Variants in DOK5 observed in about 807,000 individuals in gnomAD.
DOK5 encodes downstream of tyrosine kinase 5.
A neutral mutation model predicts 43.3 loss-of-function variants in DOK5; 27 were observed. That is an observed-to-expected ratio of 0.62 (90% CI 0.46 to 0.86). DOK5 has a LOEUF of 0.86. Ranked by LOEUF, DOK5 falls within the 40% of genes least tolerant of loss-of-function variation. The pLI is 0.00. For missense variants in DOK5, 373 were observed against 392.9 expected (o/e 0.95, Z 0.43); for synonymous variants, 146 against 140.1 (o/e 1.04, Z -0.30).
At chr20:54,642,765 AAAAGAATGAAATGGCTAATACAAT>A (rs1979185890) in intron 6 of DOK5, among the ~76,000 whole-genome samples, 1 of 152,226 alleles carries the variant, frequency 6.6e-6, no homozygotes, top group Non-Finnish European at 1.5e-5. Context: ...CCCCAAACTG[AAAAGAATGAAATGGCTAATACAAT>A]TGAAAAGTCT....
intron 1 of DOK5, among the ~76,000 whole-genome samples, chr20:54,479,974 C>T (rs1327210869): frequency 2.0e-5 from 3 of 152,002 alleles, no homozygotes; most frequent in Non-Finnish European, 2.9e-5. Context: ...TGTCACCTCA[C>T]GCTATCCACT....
At chr20:54,523,145 T>A (rs936745853) in intron 1 of DOK5, among the ~76,000 whole-genome samples, 3 of 152,358 alleles carry the variant, frequency 2.0e-5, no homozygotes, top group African/African-American at 7.2e-5. Context: ...CACATTTGAT[T>A]CCTGGCCATT....
intron 1 of DOK5, among the ~76,000 whole-genome samples, chr20:54,540,814 G>A (rs571783324): frequency 5.3e-5 from 8 of 152,190 alleles, no homozygotes; most frequent in East Asian, 1.9e-4. Context: ...GTGAGCCACC[G>A]TGCCTGGCCC....
At chr20:54,615,665 A>G (rs371972638) in intron 6 of DOK5, among the ~76,000 whole-genome samples, 11 of 152,296 alleles carry the variant, frequency 7.2e-5, no homozygotes, top group African/African-American at 2.6e-4. Flanking sequence ...TAATCCCAAC[A>G]CTTTGGGAGG....
intron 1 of DOK5, among the ~76,000 whole-genome samples, chr20:54,480,304 G>A (rs1981618185): frequency 6.6e-6 from 1 of 152,174 alleles, no homozygotes; most frequent in Admixed American, 6.5e-5. Context: ...TAAAGACCTT[G>A]CTGATAAAAC....
chr20:54,639,933 T>G lies in DOK5; in HGVS notation c.736-3525T>G, dbSNP rs150595707. 2.8e-3 allele frequency among the ~76,000 whole-genome samples: 421 copies of G among 152,358 alleles called. 5 individuals are homozygous for G. The highest frequency in any genetic ancestry group is 0.023 in the East Asian group (117 of 5,182). ...GATTAATCAAAACAAGACGATTATT[T>G]ACCCAGTGGTTCCAGTTCAGGGTCA... is the stretch of plus-strand genomic sequence containing the variant. On this transcript the variant is annotated intron_variant, in intron 6 of 7. Coordinates refer to ENST00000262593, the MANE Select transcript of DOK5 (RefSeq NM_018431.5).
In DOK5 at chr20:54,475,771, T is replaced by A. The variant is rs2146649245; in HGVS notation, c.-176T>A. The A allele has an allele frequency of 1.3e-6, 1 of 767,784 alleles. No individual in the cohort carries two copies. The highest frequency in any genetic ancestry group is 2.1e-6 in the Non-Finnish European group (1 of 478,432). 47.6% of individuals were successfully genotyped at this position (767,784 alleles called of 1,614,324 possible). A position where few individuals can be genotyped will look rare whatever the true frequency, so the allele number is the denominator to read the frequency against. On this transcript the variant is annotated 5_prime_UTR_variant, in exon 1 of 8. Transcript: ENST00000262593. The surrounding 1 kb of genome is among the most constrained non-coding windows in gnomAD (Gnocchi z 4.2). Reference sequence around the variant, plus strand: ...CAAGCCGGCCGCCCACTGTCAGGGTTGGGGGGACAGAGAAAGTGATGTGCG... The same window carrying A: ...CAAGCCGGCCGCCCACTGTCAGGGTAGGGGGGACAGAGAAAGTGATGTGCG...
At position 54,488,800 on chromosome 20, in the gene DOK5, ACCTT is replaced by A. The variant is rs550385591; in HGVS notation, c.66+12805_66+12808del. ...TCCCCTCGTCCCTCCCTCCCTTCCT[ACCTT>A]CCTTCCTTCCTTCCTTTTATTATTA... On this transcript the variant is annotated intron_variant, in intron 1 of 7. Transcript: ENST00000262593. 5.7e-3 allele frequency among the ~76,000 whole-genome samples: 542 copies of A among 94,998 alleles called. 2 individuals carry two copies. Among genetic ancestry groups the A allele is most frequent in the Middle Eastern group, 0.01 (1 of 100 alleles). The allele number at this position is 94,998 out of a possible 152,430, so 62.3% of individuals were successfully genotyped here.
At chr20:54,504,577 A>G (rs1419471893) in intron 1 of DOK5, among the ~76,000 whole-genome samples, 2 of 152,140 alleles carry the variant, frequency 1.3e-5, no homozygotes, top group African/African-American at 4.8e-5. Flanking sequence ...CTCTCCCAAT[A>G]CAGTTTCTTC....
At chr20:54,542,139 C>CACACACACACAT (rs1555828960) in intron 1 of DOK5, among the ~76,000 whole-genome samples, 3 of 150,938 alleles carry the variant, frequency 2.0e-5, no homozygotes, top group African/African-American at 7.3e-5. Flanking sequence ...CACACACACA[C>CACACACACACAT]GCATGTAAGC....
At chr20:54,614,013 T>C (rs1456678058) in intron 6 of DOK5, among the ~76,000 whole-genome samples, 2 of 149,144 alleles carry the variant, frequency 1.3e-5, no homozygotes, top group Non-Finnish European at 3.0e-5. Flanking sequence ...TACATATATA[T>C]ATGGTTATAT....
chr20:54,501,269 T>C lies in DOK5; in HGVS notation c.66+25257T>C, dbSNP rs147941888. 9.6e-3 allele frequency among the ~76,000 whole-genome samples: 1,456 copies of C among 151,792 alleles called. 19 individuals carry two copies. Among genetic ancestry groups the C allele is most frequent in the African/African-American group, 0.029 (1,217 of 41,392 alleles). On this transcript the variant is annotated intron_variant, in intron 1 of 7. Coordinates refer to ENST00000262593, the MANE Select transcript of DOK5 (RefSeq NM_018431.5). ...GATCAGGAGGTCAGGAGATCGAGACTATCCTGGCTAACACGATGAAACCCC... is the reference window on the plus strand; with the variant it reads ...GATCAGGAGGTCAGGAGATCGAGACCATCCTGGCTAACACGATGAAACCCC...
intron 1 of DOK5, among the ~76,000 whole-genome samples, chr20:54,542,179 C>A (rs1984188069): frequency 3.3e-5 from 5 of 151,772 alleles, no homozygotes. Flanking sequence ...TATGAAAGCA[C>A]AACAAAGACA....
intron 1 of DOK5, among the ~76,000 whole-genome samples, chr20:54,517,035 A>C (rs1983220419): frequency 6.6e-6 from 1 of 152,208 alleles, no homozygotes; most frequent in Admixed American, 6.5e-5. Flanking sequence ...TTTGTTCTAT[A>C]GTAATCCTTT....
chr20:54,551,019 T>G (rs193214564), intron 1 of DOK5, among the ~76,000 whole-genome samples: 2 of 152,216 alleles, frequency 1.3e-5, no homozygotes, highest in African/African-American at 4.8e-5. Context: ...CCACCAACTA[T>G]GTATGAGTCA....
chr20:54,499,817 G>T (rs1982528985), intron 1 of DOK5, among the ~76,000 whole-genome samples: 1 of 152,188 alleles, frequency 6.6e-6, no homozygotes, highest in Non-Finnish European at 1.5e-5. Flanking sequence ...TGTTGTCACT[G>T]AACTCATTTT....
Position 54,646,248 on chromosome 20 carries a change from G to GTTTTTTTTTTTTTTTT in DOK5, c.856+2679_856+2694dup, listed in dbSNP as rs386394048. 1.0e-3 allele frequency among the ~76,000 whole-genome samples: 81 copies of GTTTTTTTTTTTTTTTT among 79,928 alleles called. 7 individuals carry two copies. Among genetic ancestry groups the GTTTTTTTTTTTTTTTT allele is most frequent in the Middle Eastern group, 0.019 (1 of 54 alleles). 52.4% of individuals were successfully genotyped at this position (79,928 alleles called of 152,430 possible). A position where few individuals can be genotyped will look rare whatever the true frequency, so the allele number is the denominator to read the frequency against. The stretch of plus-strand genomic sequence containing the variant: ...TACTGTTATATCCACTGGTTATACT[G>GTTTTTTTTTTTTTTTT]TTTTTTTTTTTTTTTTTTTTTTTTG... On this transcript the variant is annotated intron_variant, in intron 7 of 7. Coordinates refer to ENST00000262593, the MANE Select transcript of DOK5 (RefSeq NM_018431.5).
At chr20:54,646,248 G>GTTTTTTTTGTTTTTTTTTTTTTTT (rs1979416097) in intron 7 of DOK5, among the ~76,000 whole-genome samples, 1 of 79,922 alleles carries the variant, frequency 1.3e-5, no homozygotes, top group Non-Finnish European at 2.2e-5. Flanking sequence ...TGGTTATACT[G>GTTTTTTTTGTTTTTTTTTTTTTTT]TTTTTTTTTT....
chr20:54,518,574 G>A (rs1055318866), intron 1 of DOK5, among the ~76,000 whole-genome samples: 14 of 152,054 alleles, frequency 9.2e-5, no homozygotes, highest in South Asian at 2.1e-4. Context: ...GAATAGTGCC[G>A]CAATAAACAT....
Sources: allele counts gnomAD v4.1 joint callset (sites outside exome capture counted in the v4.1 genomes callset), GRCh38; gene constraint gnomAD v4.1.1; non-coding constraint Gnocchi (gnomAD v3.1); transcripts MANE v1.5; gene names NCBI Gene and HGNC (gene_info 2026-07-23, HGNC 2026-07-21).